Variants in MMP26 observed in about 807,000 individuals in gnomAD.
MMP26 encodes matrix metalloproteinase-26.
Under a neutral mutation model 31.0 loss-of-function variants are expected in MMP26, and 33 were observed. The ratio of observed to expected loss-of-function variants is 1.06; its 90% CI spans 0.81 to 1.42. The LOEUF (loss-of-function observed/expected upper bound fraction) is 1.42, where lower values mean the gene tolerates loss of function less well. Among genes scored for constraint, MMP26 ranks in the 40% most tolerant of loss-of-function variants. The pLI is 0.00. For missense variants in MMP26, 347 were observed against 316.1 expected (o/e 1.10, Z -0.74); for synonymous variants, 122 against 114.9 (o/e 1.06, Z -0.40).
intron 2 of MMP26, among the ~76,000 whole-genome samples, chr11:4,779,204 A>T (rs1848827055): frequency 6.6e-6 from 1 of 152,062 alleles, no homozygotes; most frequent in Non-Finnish European, 1.5e-5. Flanking sequence ...GGGAATACTT[A>T]AACATTTCAA....
chr11:4,755,755 A>T (rs1848497677), intron 1 of MMP26, among the ~76,000 whole-genome samples: 1 of 152,070 alleles, frequency 6.6e-6, no homozygotes, highest in Non-Finnish European at 1.5e-5. Context: ...ATTCCACATA[A>T]TAATGCTTAT....
In MMP26 at chr11:4,803,475, G is replaced by A. The variant is rs751452967; in HGVS notation, c.-145+36134G>A. ...AACATCCTTGGATAACCCTGTCCCC[G>A]ATCTGTTTGGTTCTAACTCCATAAA... On this transcript the variant is annotated intron_variant, in intron 2 of 7. Transcript: ENST00000380390. 7.4e-6 allele frequency: 12 copies of A among 1,613,108 alleles called. No homozygotes were observed. The East Asian group carries it at 1.8e-4, about 24-fold the overall frequency.
At chr11:4,907,416 G>T (rs1386147707) in intron 2 of MMP26, 2 of 1,613,772 alleles carry the variant, frequency 1.2e-6, no homozygotes, top group Non-Finnish European at 1.7e-6. Flanking sequence ...CTTCTGATTG[G>T]GATCCCAGGA....
intron 2 of MMP26, among the ~76,000 whole-genome samples, chr11:4,981,658 A>G (rs1846815237): frequency 1.3e-5 from 2 of 152,132 alleles, no homozygotes; most frequent in South Asian, 4.1e-4. Flanking sequence ...TTAATAATAA[A>G]TTAACCTATC....
chr11:4,750,967 C>T (rs545465862), intron 1 of MMP26, among the ~76,000 whole-genome samples: 19 of 151,996 alleles, frequency 1.3e-4, no homozygotes, highest in African/African-American at 4.3e-4. Flanking sequence ...TGGGACCAAA[C>T]GGGGACAACT....
intron 1 of MMP26, among the ~76,000 whole-genome samples, chr11:4,718,258 A>G (rs1847962898): frequency 6.6e-6 from 1 of 152,232 alleles, no homozygotes; most frequent in Non-Finnish European, 1.5e-5. Context: ...CTCTTTGTCT[A>G]AAATATCATA....
Position 4,947,328 on chromosome 11 carries a change from A to T in MMP26, c.-144-40740A>T, listed in dbSNP as rs1846327937. On this transcript the variant is annotated intron_variant, in intron 2 of 7. Coordinates refer to ENST00000380390, the MANE Select transcript of MMP26 (RefSeq NM_021801.5). ...TACATTGGAAAAATTATTTCTGGAC[A>T]TGTTATTTCTATAGAGAATCCAGAT... Among the ~76,000 whole-genome samples the T allele has an allele frequency of 4.0e-5, 5 of 125,068 alleles. 2 individuals are homozygous for T. In the South Asian group the frequency reaches 1.2e-3, roughly 30 times the overall value. 82.0% of individuals were successfully genotyped at this position (125,068 alleles called of 152,430 possible).
intron 1 of MMP26, among the ~76,000 whole-genome samples, chr11:4,765,544 G>C (rs972536361): frequency 2.0e-5 from 3 of 152,170 alleles, no homozygotes; most frequent in African/African-American, 7.2e-5. Flanking sequence ...TGCTTGTTAA[G>C]CCCTCTTGTC....
intron 2 of MMP26, chr11:4,859,947 G>A (rs1391664511): frequency 2.1e-6 from 1 of 471,022 alleles, no homozygotes; most frequent in Non-Finnish European, 4.4e-6. Flanking sequence ...CCAGTGTGAA[G>A]ATGACGACGA....
At chr11:4,875,240 T>C (rs1030014266) in intron 2 of MMP26, 3 of 152,062 alleles carry the variant, frequency 2.0e-5, no homozygotes, top group Non-Finnish European at 4.4e-5. Flanking sequence ...TGGAAGAACA[T>C]ACTGAAGAAA....
intron 2 of MMP26, among the ~76,000 whole-genome samples, chr11:4,865,765 T>C (rs1850225977): frequency 6.6e-6 from 1 of 152,060 alleles, no homozygotes; most frequent in Admixed American, 6.6e-5. Context: ...AAGCAAAGCT[T>C]GGTCAACTAA....
At chr11:4,902,113 A>G (rs1272510498) in intron 2 of MMP26, among the ~76,000 whole-genome samples, 1 of 152,206 alleles carries the variant, frequency 6.6e-6, no homozygotes, top group East Asian at 1.9e-4. Flanking sequence ...AGCCAGTAAG[A>G]GAATCCAGTT....
intron 1 of MMP26, among the ~76,000 whole-genome samples, chr11:4,716,245 G>T (rs1270655004): frequency 6.6e-6 from 1 of 152,210 alleles, no homozygotes; most frequent in African/African-American, 2.4e-5. Flanking sequence ...GCGAGATCCT[G>T]AGTAGTGCAC....
intron 2 of MMP26, among the ~76,000 whole-genome samples, chr11:4,939,845 A>T (rs897896587): frequency 6.6e-6 from 1 of 152,132 alleles, no homozygotes; most frequent in Non-Finnish European, 1.5e-5. Context: ...ATGACATAAG[A>T]TATATCACTT....
chr11:4,927,939 A>G (rs1438292849), intron 2 of MMP26, among the ~76,000 whole-genome samples: 2 of 152,064 alleles, frequency 1.3e-5, no homozygotes, highest in Admixed American at 6.6e-5. Context: ...AGGGATACTA[A>G]ATGATACTTT....
chr11:4,883,237 A>AT (rs59635167), intron 2 of MMP26, among the ~76,000 whole-genome samples: 55 of 150,798 alleles, frequency 3.6e-4, no homozygotes, highest in Non-Finnish European at 6.6e-4. Flanking sequence ...CAGCTGAACA[A>AT]TTTTTTTTTT....
chr11:4,824,103 G>A (rs1036998761), intron 2 of MMP26, among the ~76,000 whole-genome samples: 2 of 152,126 alleles, frequency 1.3e-5, no homozygotes, highest in Non-Finnish European at 2.9e-5. Flanking sequence ...CATACTGGTA[G>A]TAGCATTGTG....
At chr11:4,723,437 T>C (rs1589883777) in intron 1 of MMP26, 1 of 1,029,002 alleles carries the variant, frequency 9.7e-7, no homozygotes, top group Non-Finnish European at 1.5e-6. Context: ...GAGCGGCTGC[T>C]GTCCATGGAC....
At chr11:4,774,973 A>T (rs4910674) in intron 2 of MMP26, among the ~76,000 whole-genome samples, 46,841 of 151,774 alleles carry the variant, frequency 0.31, 8,932 homozygotes, top group African/African-American at 0.53. Context: ...CTCTATTCTG[A>T]TCCATTGGTC....
Sources: gnomAD v4.1 joint callset for allele counts (sites outside exome capture counted in the v4.1 genomes callset) on GRCh38, gnomAD v4.1.1 for gene constraint, MANE v1.5 for transcripts, NCBI Gene and HGNC (gene_info 2026-07-23, HGNC 2026-07-21) for gene names.